Variants in CTNNAL1 observed in about 807,000 individuals in gnomAD.
The protein encoded by CTNNAL1 is catenin alpha like 1.
CTNNAL1 carries 69 observed loss-of-function variants against 93.6 expected under a neutral mutation model. The observed-to-expected ratio is 0.74, with a 90% CI of 0.61 to 0.90. CTNNAL1 has a LOEUF of 0.90. CTNNAL1 is among the 40% of genes least tolerant of loss of function. The probability of loss-of-function intolerance (pLI) is 0.00; values close to 1 mark genes in which losing one functional copy is unlikely to be tolerated. For missense variants in CTNNAL1, 836 were observed against 862.0 expected, an observed-to-expected ratio of 0.97 and a Z score of 0.38; for synonymous variants, 286 against 305.4, an observed-to-expected ratio of 0.94 and a Z score of 0.66.
In CTNNAL1 at chr9:108,965,384, T is replaced by C. The variant is rs755192777; in HGVS notation, c.1585A>G (p.Arg529Gly). 6.8e-7 allele frequency: 1 copy of C among 1,464,682 alleles called. No individual in the cohort carries two copies. Among genetic ancestry groups the C allele is most frequent in the South Asian group, 1.5e-5 (1 of 67,870 alleles). The allele number at this position is 1,464,682 out of a possible 1,614,324, so 90.7% of individuals were successfully genotyped here. A position where few individuals can be genotyped will look rare whatever the true frequency, so the allele number is the denominator to read the frequency against. ...TATGTGGACAGTTTCTCACCTCGTC[T>C]TCCTTCAAACACGTCATTGATTTCT... is the stretch of plus-strand genomic sequence containing the variant. ...LREINDVFEG[R>G]RGEKYGYLSL... The change falls in exon 11 of 19, where the codon AGA becomes GGA. Residue 529 changes from arginine (R) to glycine (G), a missense_variant. By Grantham distance (125) the Arg-to-Gly change is moderately radical. Transcript: ENST00000325551.
At chr9:109,006,285 C>G (rs981541453) in intron 1 of CTNNAL1, among the ~76,000 whole-genome samples, 5 of 152,206 alleles carry the variant, frequency 3.3e-5, no homozygotes, top group Admixed American at 2.6e-4. Context: ...GTACCAGGCA[C>G]TAGCCTATGT....
At chr9:108,999,034 T>G (rs778943445) in intron 2 of CTNNAL1, 33 bp downstream of exon 2, 75 of 1,568,458 alleles carry the variant, frequency 4.8e-5, no homozygotes, top group Admixed American at 2.3e-4. Context: ...ATAAAAGTGG[T>G]ATGAATAGTC....
chr9:108,979,742 G>C (rs537087331), intron 6 of CTNNAL1, among the ~76,000 whole-genome samples: 2 of 152,302 alleles, frequency 1.3e-5, no homozygotes, highest in Middle Eastern at 3.4e-3. Context: ...TGAATACTAA[G>C]GCAGAAAGAG....
chr9:108,972,864 G>GGGGGGGGGGGCGCCCCCCCCCCCC, intron 8 of CTNNAL1, 31 bp from the exon 9 acceptor site: 1 of 142,588 alleles, frequency 7.0e-6, no homozygotes, highest in Non-Finnish European at 1.0e-5. Context: ...GGGGGGGTGG[G>GGGGGGGGGGGCGCCCCCCCCCCCC]AGGGTGGAGA....
rs72260036 is a variant in CTNNAL1, at chr9:109,001,006, C to CAAA, written c.142-1753_142-1751dup. ...TGAAACCCCATCTGTACTAAAAATA[C>CAAA]AAAAAAAAAAAAAAAATTAGCCGGG... On this transcript the variant is annotated intron_variant, in intron 1 of 18. Coordinates refer to ENST00000325551, the MANE Select transcript of CTNNAL1 (RefSeq NM_003798.4). Among the ~76,000 whole-genome samples the CAAA allele has an allele frequency of 7.1e-4, 90 of 127,042 alleles. 3 individuals carry two copies. The South Asian group carries it at 0.022, about 31-fold the overall frequency. The allele number at this position is 127,042 out of a possible 152,430, so 83.3% of individuals were successfully genotyped here. A position where few individuals can be genotyped will look rare whatever the true frequency, so the allele number is the denominator to read the frequency against.
intron 1 of CTNNAL1, among the ~76,000 whole-genome samples, chr9:108,999,576 T>A (rs28361108): frequency 0.018 from 2,723 of 152,286 alleles, 32 homozygotes; most frequent in Non-Finnish European, 0.025. Flanking sequence ...GATCATTACA[T>A]TCAGAAAGCC....
intron 3 of CTNNAL1, chr9:108,991,755 A>G (rs1831815383): frequency 3.3e-6 from 1 of 307,130 alleles, no homozygotes. Flanking sequence ...TTTCTGATTC[A>G]TTCAACACTT....
intron 8 of CTNNAL1, among the ~76,000 whole-genome samples, chr9:108,976,529 T>A (rs887835819): frequency 6.8e-6 from 1 of 146,676 alleles, no homozygotes; most frequent in African/African-American, 2.5e-5. Context: ...AAAGGAAAAC[T>A]TTTTTTTTTT....
intron 8 of CTNNAL1, 31 bp from the exon 9 acceptor site, chr9:108,972,864 G>GGGGGGCCCCCCCCCCCCCC: frequency 7.7e-5 from 11 of 142,518 alleles, no homozygotes; most frequent in East Asian, 2.2e-4. Context: ...GGGGGGGTGG[G>GGGGGGCCCCCCCCCCCCCC]AGGGTGGAGA....
chr9:108,972,664 T>C lies in CTNNAL1; in HGVS notation c.1347+11A>G. On this transcript the variant is annotated intron_variant, in intron 9 of 18. Transcript: ENST00000325551. ...TTAAACTACAATTTCTTTAGCACCT[T>C]GTTTACTCACCTCAACAAGCTGCTC... The C allele has an allele frequency of 6.2e-7, 1 of 1,603,884 alleles. No individual in the cohort carries two copies. The highest frequency in any genetic ancestry group is 8.5e-7 in the Non-Finnish European group (1 of 1,176,444).
intron 14 of CTNNAL1, among the ~76,000 whole-genome samples, chr9:108,948,723 C>A (rs2132085654): frequency 6.6e-6 from 1 of 152,274 alleles, no homozygotes; most frequent in Admixed American, 6.5e-5. Flanking sequence ...CATAATAATA[C>A]TTGTGCTACC....
chr9:108,943,034 C>T lies in CTNNAL1; in HGVS notation c.2066G>A (p.Cys689Tyr), dbSNP rs774975185. Reference sequence around the variant, plus strand: ...CATCATGGATCTTGTCTTCGTAATACACTTGTCAACCTACAATGACAAAAA... The same window carrying T: ...CATCATGGATCTTGTCTTCGTAATATACTTGTCAACCTACAATGACAAAAA... ...QNKVFLKVDK[C>Y]ITKTRSMMAL... Residue 689 changes from cysteine (C) to tyrosine (Y), a missense_variant, in exon 18 of 19, where the codon TGT becomes TAT. Transcript: ENST00000325551. 1 of 1,610,666 alleles carries T rather than the reference C, an allele frequency of 6.2e-7. No homozygotes were observed. Among genetic ancestry groups the T allele is most frequent in the Non-Finnish European group, 8.5e-7 (1 of 1,179,094 alleles).
chr9:108,988,698 T>C (rs1158746197), intron 4 of CTNNAL1, among the ~76,000 whole-genome samples: 2 of 152,216 alleles, frequency 1.3e-5, no homozygotes, highest in South Asian at 2.1e-4. Context: ...TTCGTGTTCT[T>C]TGAACACACC....
chr9:108,960,856 G>C (rs2132111257), intron 11 of CTNNAL1, among the ~76,000 whole-genome samples: 1 of 152,326 alleles, frequency 6.6e-6, no homozygotes, highest in South Asian at 2.1e-4. Flanking sequence ...AGGTTTGGGT[G>C]AGAAGGCAGA....
At chr9:108,981,435 G>A (rs1210335957) in intron 6 of CTNNAL1, among the ~76,000 whole-genome samples, 1 of 149,738 alleles carries the variant, frequency 6.7e-6, no homozygotes, top group African/African-American at 2.5e-5. Context: ...GCCTAAAGAA[G>A]GGTTCTACCA....
intron 1 of CTNNAL1, among the ~76,000 whole-genome samples, chr9:109,004,898 T>C (rs1035891564): frequency 7.2e-5 from 11 of 152,234 alleles, no homozygotes; most frequent in African/African-American, 1.4e-4. Flanking sequence ...AGACATACTA[T>C]AATTAGCTAT....
At chr9:109,011,376 A>G (rs1265133362) in intron 1 of CTNNAL1, among the ~76,000 whole-genome samples, 2 of 152,138 alleles carry the variant, frequency 1.3e-5, no homozygotes, top group East Asian at 3.8e-4. Context: ...AAAAAGAAAA[A>G]AAAAAAAAGG....
At chr9:109,002,742 G>C (rs1826881718) in intron 1 of CTNNAL1, among the ~76,000 whole-genome samples, 1 of 152,000 alleles carries the variant, frequency 6.6e-6, no homozygotes, top group Non-Finnish European at 1.5e-5. Flanking sequence ...TCAGCACTTT[G>C]GGAGGCCGAG....
chr9:108,986,275 G>C (rs1831603131), intron 4 of CTNNAL1, among the ~76,000 whole-genome samples: 1 of 150,436 alleles, frequency 6.6e-6, no homozygotes, highest in Non-Finnish European at 1.5e-5. Context: ...AGAACATGCA[G>C]TGTTTGGTTT....
Sources: allele counts gnomAD v4.1 joint callset (sites outside exome capture counted in the v4.1 genomes callset), GRCh38; gene constraint gnomAD v4.1.1; transcripts MANE v1.5; gene names NCBI Gene and HGNC (gene_info 2026-07-23, HGNC 2026-07-21).